Variants in NME7 observed in about 807,000 individuals in gnomAD.
NME7 encodes the protein NME/NM23 family member 7, also known as nucleoside diphosphate kinase 7.
In NME7, 41 loss-of-function variants were observed where a neutral mutation model predicts 49.1. The ratio of observed to expected loss-of-function variants is 0.83; its 90% confidence interval spans 0.65 to 1.08. The LOEUF is 1.08. Among genes scored for constraint, NME7 ranks in the 50% least tolerant of loss-of-function variants. The probability of loss-of-function intolerance (pLI) is 0.00; values close to 1 mark genes in which losing one functional copy is unlikely to be tolerated. For synonymous variants in NME7, 139 were observed against 150.6 expected, an observed-to-expected ratio of 0.92 and a Z score of 0.56; for missense variants, 423 against 463.4, an observed-to-expected ratio of 0.91 and a Z score of 0.80.
chr1:169,262,750 G>A (rs780358968), intron 7 of NME7, among the ~76,000 whole-genome samples: 1 of 133,636 alleles, frequency 7.5e-6, no homozygotes, highest in South Asian at 2.3e-4. Context: ...GACTGAGAAG[G>A]AGAGAATCAA....
intron 7 of NME7, among the ~76,000 whole-genome samples, chr1:169,238,228 G>T (rs976321791): frequency 2.0e-5 from 3 of 151,792 alleles, no homozygotes; most frequent in African/African-American, 7.3e-5. Flanking sequence ...ATATTTAAAA[G>T]ACAGTAAGAA....
intron 11 of NME7, among the ~76,000 whole-genome samples, chr1:169,143,193 G>A (rs1378816455): frequency 6.7e-6 from 1 of 149,318 alleles, no homozygotes; most frequent in South Asian, 2.1e-4. Context: ...CTGATGTTTT[G>A]AGGATAAAGA....
At chr1:169,138,127 A>G (rs7542713) in intron 11 of NME7, among the ~76,000 whole-genome samples, 48,997 of 151,550 alleles carry the variant, frequency 0.32, 8,486 homozygotes, top group Non-Finnish European at 0.4. Flanking sequence ...CCTGGCCAAC[A>G]TGGCGAAACC....
chr1:169,144,815 ATTTG>A (rs897518898), intron 11 of NME7, among the ~76,000 whole-genome samples: 7 of 152,180 alleles, frequency 4.6e-5, no homozygotes, highest in African/African-American at 1.7e-4. Flanking sequence ...TGCTTCAGCA[ATTTG>A]TTTATTATAC....
intron 6 of NME7, among the ~76,000 whole-genome samples, chr1:169,289,621 A>G (rs1650415507): frequency 6.6e-6 from 1 of 152,132 alleles, no homozygotes; most frequent in Admixed American, 6.6e-5. Flanking sequence ...AGTTTAACAA[A>G]TTATTTAACA....
chr1:169,337,066 C>G (rs564839213), intron 1 of NME7, among the ~76,000 whole-genome samples: 1 of 152,236 alleles, frequency 6.6e-6, no homozygotes, highest in African/African-American at 2.4e-5. Flanking sequence ...GTCCCAGTGC[C>G]GTGTGCCCGC....
At chr1:169,332,262 C>A (rs1652285550) in intron 1 of NME7, among the ~76,000 whole-genome samples, 1 of 152,056 alleles carries the variant, frequency 6.6e-6, no homozygotes, top group African/African-American at 2.4e-5. Context: ...AACTAGATGT[C>A]TATATGCAGA....
At chr1:169,348,601 G>A (rs1296305847) in intron 1 of NME7, among the ~76,000 whole-genome samples, 1 of 152,094 alleles carries the variant, frequency 6.6e-6, no homozygotes, top group Non-Finnish European at 1.5e-5. Context: ...AGCTTTTCCT[G>A]AAAGTGTCCA....
chr1:169,262,660 GA>G (rs1428961123), intron 7 of NME7, among the ~76,000 whole-genome samples: 1 of 133,166 alleles, frequency 7.5e-6, no homozygotes, highest in East Asian at 2.0e-4. Context: ...GCAGAGCCAG[GA>G]AAACCTCTTC....
At chr1:169,242,275 G>T (rs1019622056) in intron 7 of NME7, among the ~76,000 whole-genome samples, 1 of 151,728 alleles carries the variant, frequency 6.6e-6, no homozygotes, top group Non-Finnish European at 1.5e-5. Context: ...GGCTAAGGAA[G>T]AAAAATCACA....
At chr1:169,222,279 C>T (rs967877800) in intron 10 of NME7, among the ~76,000 whole-genome samples, 1 of 152,008 alleles carries the variant, frequency 6.6e-6, no homozygotes, top group African/African-American at 2.4e-5. Context: ...CTCTCTGTCT[C>T]TCTCACTTTC....
At chr1:169,135,852 T>A (rs1658411997) in intron 11 of NME7, among the ~76,000 whole-genome samples, 2 of 152,098 alleles carry the variant, frequency 1.3e-5, no homozygotes. Context: ...TGTTGACTCT[T>A]ATTGACTACA....
intron 6 of NME7, among the ~76,000 whole-genome samples, chr1:169,295,303 A>C (rs1650667502): frequency 6.6e-6 from 1 of 152,216 alleles, no homozygotes; most frequent in South Asian, 2.1e-4. Flanking sequence ...AAATCTAACA[A>C]GTATATTTAT....
At chr1:169,323,057 C>G (rs1215294209) in intron 3 of NME7, 60 bp downstream of exon 3, 11 of 1,356,564 alleles carry the variant, frequency 8.1e-6, no homozygotes, top group Non-Finnish European at 6.8e-6. Flanking sequence ...AGTCTTGATT[C>G]AGATTGACTT....
intron 10 of NME7, among the ~76,000 whole-genome samples, chr1:169,171,806 G>GTTTTTTTTTTTTTTTTTTTT (rs35524440): frequency 3.4e-5 from 5 of 145,256 alleles, no homozygotes; most frequent in South Asian, 2.2e-4. Flanking sequence ...ATTCCTGGCT[G>GTTTTTTTTTTTTTTTTTTTT]TTTTTTTTTT....
intron 11 of NME7, among the ~76,000 whole-genome samples, chr1:169,146,197 G>A (rs568599142): frequency 9.9e-5 from 15 of 152,084 alleles, no homozygotes; most frequent in Admixed American, 2.0e-4. Context: ...TAATATTATC[G>A]GAGGGAGAAA....
intron 7 of NME7, among the ~76,000 whole-genome samples, chr1:169,244,106 C>G (rs1558004393): frequency 6.6e-6 from 1 of 151,910 alleles, no homozygotes; most frequent in Non-Finnish European, 1.5e-5. Context: ...GTTTGATCTT[C>G]TGAATATATA....
At chr1:169,343,073 G>C in intron 1 of NME7, among the ~76,000 whole-genome samples, 1 of 148,764 alleles carries the variant, frequency 6.7e-6, no homozygotes, top group Non-Finnish European at 1.5e-5. Context: ...CTTTGGGATA[G>C]AGGTCCTTCC....
rs1236323651 is a variant in NME7 at position 169,255,631 on chromosome 1, G to A, written c.755-17944C>T. Among the ~76,000 whole-genome samples, 42 of 124,554 alleles carry A rather than the reference G, an allele frequency of 3.4e-4. 1 individual carries two copies. Among genetic ancestry groups the A allele is most frequent in the African/African-American group, 1.0e-3 (37 of 36,676 alleles). 81.7% of individuals were successfully genotyped at this position (124,554 alleles called of 152,430 possible). ...ATGATGTTAGCTGGTTATTTTGCTC[G>A]TTAGTTGATGCAGTTTCTTCCTAGT... On this transcript the variant is annotated intron_variant, in intron 7 of 11. Coordinates refer to ENST00000367811, the MANE Select transcript of NME7 (RefSeq NM_013330.5).
Sources: gnomAD v4.1 joint callset for allele counts (sites outside exome capture counted in the v4.1 genomes callset) on GRCh38, gnomAD v4.1.1 for gene constraint, MANE v1.5 for transcripts, NCBI Gene and HGNC (gene_info 2026-07-23, HGNC 2026-07-21) for gene names.